The following PPIL2 variants were observed in gnomAD, a reference collection of about 807,000 sequenced individuals.
PPIL2 encodes the protein peptidylprolyl isomerase like 2.
A neutral mutation model predicts 75.2 loss-of-function variants in PPIL2; 50 were observed. The observed-to-expected ratio is 0.66, with a 90% CI of 0.53 to 0.84. The LOEUF (loss-of-function observed/expected upper bound fraction) is 0.84, where lower values mean the gene tolerates loss of function less well. PPIL2 is among the 40% of genes least tolerant of loss of function. The probability of loss-of-function intolerance (pLI) is 0.00; values close to 1 mark genes in which losing one functional copy is unlikely to be tolerated. For synonymous variants in PPIL2, 245 were observed against 258.8 expected, an observed-to-expected ratio of 0.95 and a Z score of 0.51; for missense variants, 590 against 685.0, an observed-to-expected ratio of 0.86 and a Z score of 1.55.
chr22:21,666,213 C>G, intron 1 of PPIL2, 82 bp downstream of exon 1: 1 of 1,464,016 alleles, frequency 6.8e-7, no homozygotes, highest in Non-Finnish European at 9.4e-7. Flanking sequence ...GCTCGCCTTC[C>G]CTCTCAGCTA....
In PPIL2 at chr22:21,696,998, TCTC is replaced by T; in HGVS notation, c.*1510_*1512del. ...CTGCGCCATGGCTGGCTCCTTCTCT[TCTC>T]CAGCCCATCCCTCTGCAGCCTGTCA... is the stretch of plus-strand genomic sequence containing the variant. On this transcript the variant is annotated 3_prime_UTR_variant, in exon 20 of 20. Transcript: ENST00000398831. 2.6e-6 allele frequency: 4 copies of T among 1,548,070 alleles called. No homozygotes were observed. The South Asian group carries it at 3.6e-5, about 14-fold the overall frequency.
Position 21,696,390 on chromosome 22 carries a change from G to A in PPIL2, c.*900G>A, listed in dbSNP as rs2067932170. On this transcript the variant is annotated 3_prime_UTR_variant, in exon 20 of 20. Transcript: ENST00000398831. The stretch of plus-strand genomic sequence containing the variant: ...TGGATGTCCCTCTCCCCGCCCTCCT[G>A]CTGAAGTGGCCTTGCTGCTCTCAGG... The A allele has an allele frequency of 1.6e-5, 19 of 1,154,268 alleles. No individual in the cohort carries two copies. In the South Asian group the frequency reaches 2.8e-4, roughly 17 times the overall value. 71.5% of individuals were successfully genotyped at this position (1,154,268 alleles called of 1,614,324 possible). A position where few individuals can be genotyped will look rare whatever the true frequency, so the allele number is the denominator to read the frequency against.
intron 9 of PPIL2, 21 bp from the exon 10 acceptor site, chr22:21,684,732 G>A: frequency 6.2e-7 from 1 of 1,612,634 alleles, no homozygotes; most frequent in South Asian, 1.1e-5. Flanking sequence ...GGCGGCTCAG[G>A]GCCATGCTAC....
intron 1 of PPIL2, among the ~76,000 whole-genome samples, chr22:21,668,489 C>T (rs2066481515): frequency 6.6e-6 from 1 of 150,826 alleles, no homozygotes; most frequent in South Asian, 2.1e-4. Flanking sequence ...ATCAGCTGGG[C>T]GTGGTGGCAG....
chr22:21,687,571 AGCCT>A, intron 12 of PPIL2, 68 bp from the exon 13 acceptor site: 1 of 763,736 alleles, frequency 1.3e-6, no homozygotes, highest in South Asian at 1.7e-5. Flanking sequence ...AAAAAAAAAA[AGCCT>A]CCTGTGGCTG....
At chr22:21,668,006 A>G (rs1468198105) in intron 1 of PPIL2, among the ~76,000 whole-genome samples, 1 of 151,864 alleles carries the variant, frequency 6.6e-6, no homozygotes, top group Non-Finnish European at 1.5e-5. Context: ...CGAACTCCTG[A>G]CGTCGAGTGA....
In PPIL2 at chr22:21,697,478, A is replaced by C. The variant is rs2067983244; in HGVS notation, c.*1988A>C. ...AGCCCTCTGCTCTCAGCGGCGCCAC[A>C]GAGAGCCTGGGCTCAGCCTTCTGCA... On this transcript the variant is annotated 3_prime_UTR_variant, in exon 20 of 20. Transcript: ENST00000398831. The C allele has an allele frequency of 1.9e-5, 3 of 160,332 alleles. No individual in the cohort carries two copies. Among genetic ancestry groups the C allele is most frequent in the Non-Finnish European group, 4.1e-5 (3 of 72,704 alleles). The allele number at this position is 160,332 out of a possible 1,614,324, so 9.9% of individuals were successfully genotyped here.
In PPIL2 at chr22:21,688,810, G is replaced by C. The variant is rs1033255069; in HGVS notation, c.1100G>C (p.Ser367Thr). ...NLSHTGRGIL[S>T]MANSGPNSNR... ...TCGCACACGGGCCGCGGCATCCTCA[G>C]CATGGCCAACTCCGGGCCCAACAGC... Residue 367 changes from serine (S) to threonine (T), a missense_variant, in exon 15 of 20, where the codon AGC becomes ACC. By Grantham distance (58) the Ser-to-Thr change is moderately conservative (BLOSUM62 1). Coordinates refer to ENST00000398831, the MANE Select transcript of PPIL2 (RefSeq NM_014337.4). 8.1e-6 allele frequency: 13 copies of C among 1,614,220 alleles called. No homozygotes were observed. The highest frequency in any genetic ancestry group is 1.0e-5 in the Non-Finnish European group (12 of 1,180,026).
At chr22:21,669,994 G>A in intron 2 of PPIL2, 32 bp downstream of exon 2, 1 of 1,596,280 alleles carries the variant, frequency 6.3e-7, no homozygotes, top group Non-Finnish European at 8.6e-7. Context: ...TTCCCCGTTG[G>A]GGGAGTGGTA....
intron 13 of PPIL2, 134 bp from the exon 14 acceptor site, chr22:21,687,939 G>T: frequency 8.1e-7 from 1 of 1,238,368 alleles, no homozygotes; most frequent in Non-Finnish European, 1.2e-6. Context: ...GAGGTGGCTG[G>T]GAGGGCCCCT....
chr22:21,695,818 T>C lies in PPIL2; in HGVS notation c.*328T>C, dbSNP rs1406958770. ...CAGGTTAGTGAGGAAGGACTGTGTCTCCAGATTGTGGTTTCCTCTTTAAGA... is the reference window on the plus strand; with the variant it reads ...CAGGTTAGTGAGGAAGGACTGTGTCCCCAGATTGTGGTTTCCTCTTTAAGA... On this transcript the variant is annotated 3_prime_UTR_variant, in exon 20 of 20. Coordinates refer to ENST00000398831, the MANE Select transcript of PPIL2 (RefSeq NM_014337.4). 2.8e-5 allele frequency: 33 copies of C among 1,179,520 alleles called. No individual in the cohort carries two copies. The Admixed American group carries it at 1.3e-3, about 48-fold the overall frequency. The allele number at this position is 1,179,520 out of a possible 1,614,324, so 73.1% of individuals were successfully genotyped here. A position where few individuals can be genotyped will look rare whatever the true frequency, so the allele number is the denominator to read the frequency against.
intron 9 of PPIL2, 94 bp downstream of exon 9, chr22:21,683,351 A>AG: frequency 6.3e-6 from 7 of 1,103,460 alleles, no homozygotes; most frequent in Non-Finnish European, 8.1e-6. Flanking sequence ...CCTGGAGGTC[A>AG]GGGGGTCCCA....
chr22:21,693,142 G>A (rs1293097799), intron 15 of PPIL2, among the ~76,000 whole-genome samples: 3 of 152,028 alleles, frequency 2.0e-5, no homozygotes, highest in African/African-American at 7.2e-5. Context: ...CTGCCTCCCA[G>A]GTTAAAGCGA....
At chr22:21,683,378 C>A in intron 9 of PPIL2, 121 bp downstream of exon 9, 1 of 809,200 alleles carries the variant, frequency 1.2e-6, no homozygotes, top group Non-Finnish European at 2.0e-6. Flanking sequence ...ACAGGCCCTG[C>A]ATTTTCTGAA....
chr22:21,676,278 G>C (rs189846054), intron 6 of PPIL2, among the ~76,000 whole-genome samples: 5,192 of 142,510 alleles, frequency 0.036, 215 homozygotes, highest in African/African-American at 0.11. Context: ...GTGTGTGTGT[G>C]TCTCATTCAG....
At chr22:21,672,252 G>T (rs1278036582) in intron 4 of PPIL2, 78 bp from the exon 5 acceptor site, 2 of 1,297,044 alleles carry the variant, frequency 1.5e-6, no homozygotes, top group Non-Finnish European at 2.2e-6. Flanking sequence ...CCTGGAAGCA[G>T]CCCTGCAAGA....
In PPIL2 at chr22:21,689,505, G is replaced by A. The variant is rs73877666; in HGVS notation, c.1139+656G>A. Among the ~76,000 whole-genome samples the A allele has an allele frequency of 8.1e-3, 1,225 of 152,088 alleles. 24 individuals carry two copies. Among genetic ancestry groups the A allele is most frequent in the African/African-American group, 0.028 (1,172 of 41,496 alleles). Reference sequence around the variant, plus strand: ...TGGACTTTTTTTTTCCCAACTTTTGGGGATCATTGCTCATGTAGAGAAAAA... The same window carrying A: ...TGGACTTTTTTTTTCCCAACTTTTGAGGATCATTGCTCATGTAGAGAAAAA... On this transcript the variant is annotated intron_variant, in intron 15 of 19. Coordinates refer to ENST00000398831, the MANE Select transcript of PPIL2 (RefSeq NM_014337.4).
rs1315663475 is a variant in PPIL2, at chr22:21,696,407, GCT to G, written c.*921_*922del. The G allele has an allele frequency of 6.9e-6, 8 of 1,164,900 alleles. No homozygotes were observed. Among genetic ancestry groups the G allele is most frequent in the Non-Finnish European group, 8.6e-6 (8 of 935,096 alleles). 72.2% of individuals were successfully genotyped at this position (1,164,900 alleles called of 1,614,324 possible). On this transcript the variant is annotated 3_prime_UTR_variant, in exon 20 of 20. Coordinates refer to ENST00000398831, the MANE Select transcript of PPIL2 (RefSeq NM_014337.4). ...GCCCTCCTGCTGAAGTGGCCTTGCT[GCT>G]CTCAGGCCCGGCCACTGGGCTCCAA...
chr22:21,692,225 G>T (rs896140230), intron 15 of PPIL2, among the ~76,000 whole-genome samples: 9 of 151,304 alleles, frequency 5.9e-5, no homozygotes, highest in Non-Finnish European at 1.3e-4. Flanking sequence ...GCGCGATCTC[G>T]GCTCACTGCA....
Sources: allele counts gnomAD v4.1 joint callset (sites outside exome capture counted in the v4.1 genomes callset), GRCh38; gene constraint gnomAD v4.1.1; transcripts MANE v1.5; gene names NCBI Gene and HGNC (gene_info 2026-07-23, HGNC 2026-07-21).